Variants in LRFN5 observed in about 807,000 individuals in gnomAD.
The protein encoded by LRFN5 is leucine rich repeat and fibronectin type III domain containing 5.
A neutral mutation model predicts 45.6 loss-of-function variants in LRFN5; 24 were observed. The observed-to-expected ratio is 0.53, with a 90% confidence interval of 0.38 to 0.74. The LOEUF (loss-of-function observed/expected upper bound fraction) is 0.74. LRFN5 is among the 30% of genes least tolerant of loss of function. The pLI is 0.00. For synonymous variants in LRFN5, 340 were observed against 313.8 expected (o/e 1.08, Z -0.88); for missense variants, 776 against 861.5 (o/e 0.90, Z 1.24).
chr14:41,639,438 G>C (rs1879461892), intron 1 of LRFN5, among the ~76,000 whole-genome samples: 1 of 152,134 alleles, frequency 6.6e-6, no homozygotes. Flanking sequence ...ACTCTTCCAA[G>C]AACTGGACAC....
At chr14:41,881,318 G>T (rs1323744615) in intron 2 of LRFN5, among the ~76,000 whole-genome samples, 1 of 151,674 alleles carries the variant, frequency 6.6e-6, no homozygotes, top group Non-Finnish European at 1.5e-5. Flanking sequence ...AAATTCTAGA[G>T]TATAGGATTT....
At chr14:41,870,797 A>G (rs568514876) in intron 2 of LRFN5, among the ~76,000 whole-genome samples, 20 of 152,328 alleles carry the variant, frequency 1.3e-4, no homozygotes, top group South Asian at 4.1e-4. Flanking sequence ...ACTACACTCA[A>G]TGGAATAAGA....
intron 3 of LRFN5, 144 bp from the exon 4 acceptor site, chr14:41,891,106 T>G: frequency 2.9e-6 from 2 of 700,448 alleles, no homozygotes; most frequent in East Asian, 2.7e-5. Context: ...TCAGTAAATA[T>G]GAGATTAGAT....
intron 2 of LRFN5, among the ~76,000 whole-genome samples, chr14:41,886,019 C>CA (rs35648547): frequency 0.42 from 37,003 of 88,666 alleles, 8,732 homozygotes; most frequent in East Asian, 0.74. Context: ...AGGCTCGTCT[C>CA]AAAAAAAAAA....
At chr14:41,817,222 T>C (rs1284215264) in intron 2 of LRFN5, among the ~76,000 whole-genome samples, 1 of 152,138 alleles carries the variant, frequency 6.6e-6, no homozygotes, top group African/African-American at 2.4e-5. Context: ...TTAATCATAG[T>C]TGTTTTAATT....
At chr14:41,825,160 C>T (rs1197005508) in intron 2 of LRFN5, among the ~76,000 whole-genome samples, 3 of 152,180 alleles carry the variant, frequency 2.0e-5, no homozygotes, top group Admixed American at 2.0e-4. Context: ...GGACCGTGCC[C>T]TCTGTTCAAG....
intron 1 of LRFN5, among the ~76,000 whole-genome samples, chr14:41,670,984 A>T (rs1881180496): frequency 6.6e-6 from 1 of 151,990 alleles, no homozygotes; most frequent in African/African-American, 2.4e-5. Context: ...TAGAATGTGA[A>T]AGTTTCAAAC....
intron 2 of LRFN5, among the ~76,000 whole-genome samples, chr14:41,812,201 A>G (rs755907459): frequency 9.2e-5 from 14 of 152,114 alleles, no homozygotes; most frequent in Non-Finnish European, 1.3e-4. Context: ...ACTTGTATAT[A>G]TTCCAAAATG....
At chr14:41,668,283 T>C (rs182470476) in intron 1 of LRFN5, among the ~76,000 whole-genome samples, 1 of 152,258 alleles carries the variant, frequency 6.6e-6, no homozygotes, top group East Asian at 1.9e-4. Flanking sequence ...ATAAGCCTCT[T>C]TTATATTTAT....
intron 1 of LRFN5, among the ~76,000 whole-genome samples, chr14:41,750,898 G>A (rs1236858842): frequency 2.0e-5 from 3 of 152,010 alleles, no homozygotes; most frequent in Non-Finnish European, 4.4e-5. Flanking sequence ...AGGTATACAC[G>A]TGCCATGTTG....
At chr14:41,609,772 G>C (rs56321769) in intron 1 of LRFN5, among the ~76,000 whole-genome samples, 32,578 of 152,152 alleles carry the variant, frequency 0.21, 4,087 homozygotes, top group Non-Finnish European at 0.29. Context: ...AGCTCAGGGT[G>C]CCCTGCTTCA....
intron 1 of LRFN5, among the ~76,000 whole-genome samples, chr14:41,679,937 G>T (rs1881809903): frequency 1.3e-5 from 2 of 152,152 alleles, no homozygotes; most frequent in Non-Finnish European, 2.9e-5. Context: ...TAGCTAAAGA[G>T]CACTTGGTCC....
At chr14:41,857,362 G>C (rs1181100592) in intron 2 of LRFN5, among the ~76,000 whole-genome samples, 1 of 152,052 alleles carries the variant, frequency 6.6e-6, no homozygotes, top group Non-Finnish European at 1.5e-5. Context: ...ACAGAAAAGA[G>C]ACAGATACCA....
chr14:41,629,324 C>T (rs2138575466), intron 1 of LRFN5, among the ~76,000 whole-genome samples: 1 of 152,262 alleles, frequency 6.6e-6, no homozygotes, highest in African/African-American at 2.4e-5. Flanking sequence ...ACTGTTCAAC[C>T]AGCTTCATGC....
intron 2 of LRFN5, among the ~76,000 whole-genome samples, chr14:41,788,954 G>A (rs1321227161): frequency 6.6e-6 from 1 of 151,824 alleles, no homozygotes; most frequent in East Asian, 1.9e-4. Context: ...AAGGGTTGAG[G>A]AAAAATTATT....
chr14:41,760,362 A>G (rs1201463375), intron 1 of LRFN5, among the ~76,000 whole-genome samples: 1 of 152,160 alleles, frequency 6.6e-6, no homozygotes, highest in Non-Finnish European at 1.5e-5. Context: ...AGCTGTGATT[A>G]CAGGCATGTG....
intron 2 of LRFN5, among the ~76,000 whole-genome samples, chr14:41,793,372 T>C (rs1887004072): frequency 6.6e-6 from 1 of 152,082 alleles, no homozygotes; most frequent in African/African-American, 2.4e-5. Flanking sequence ...AAGTCCTATG[T>C]ATAATAATGC....
intron 1 of LRFN5, among the ~76,000 whole-genome samples, chr14:41,656,370 G>A (rs969218479): frequency 2.6e-5 from 4 of 151,932 alleles, no homozygotes; most frequent in South Asian, 2.1e-4. Flanking sequence ...GAATTTGAAC[G>A]CATTAGTTAT....
At chr14:41,882,425 C>T (rs1373341248) in intron 2 of LRFN5, among the ~76,000 whole-genome samples, 1 of 152,116 alleles carries the variant, frequency 6.6e-6, no homozygotes, top group Admixed American at 6.6e-5. Context: ...ACTGAAATCC[C>T]TGAGGGACTG....
Sources: allele counts gnomAD v4.1 joint callset (sites outside exome capture counted in the v4.1 genomes callset), GRCh38; gene constraint gnomAD v4.1.1; transcripts MANE v1.5; gene names NCBI Gene and HGNC (gene_info 2026-07-23, HGNC 2026-07-21).